The following RBM47 variants were observed in gnomAD, a reference collection of about 807,000 sequenced individuals.
The protein encoded by RBM47 is RNA-binding protein 47.
Under a neutral mutation model 47.1 loss-of-function variants are expected in RBM47, and 21 were observed. The observed-to-expected ratio is 0.45, with a 90% CI of 0.32 to 0.64. RBM47 has a LOEUF of 0.64. RBM47 is among the 30% of genes least tolerant of loss of function. RBM47 has a pLI of 0.05. For missense variants in RBM47, 708 were observed against 870.9 expected (o/e 0.81, Z 2.35); for synonymous variants, 375 against 361.7 (o/e 1.04, Z -0.42).
chr4:40,609,482 T>G (rs1452930087), intron 1 of RBM47, among the ~76,000 whole-genome samples: 1 of 151,136 alleles, frequency 6.6e-6, no homozygotes, highest in Non-Finnish European at 1.5e-5. Context: ...CCGGCTAATT[T>G]TTGTATTTTT....
chr4:40,606,071 G>A (rs1255473013), intron 1 of RBM47, among the ~76,000 whole-genome samples: 2 of 149,212 alleles, frequency 1.3e-5, no homozygotes, highest in Admixed American at 6.7e-5. Flanking sequence ...GGTGGTGCAC[G>A]CCTGCAATCC....
At position 40,600,558 on chromosome 4, in the gene RBM47, C is replaced by T. The variant is rs569596838; in HGVS notation, c.-240+28838G>A. ...CTGAGGCAGGAGAATGGCGTGAACC[C>T]GGGAGGCGGAGCTTGCAGTGAGCGG... is the stretch of plus-strand genomic sequence containing the variant. On this transcript the variant is annotated intron_variant, in intron 1 of 6. Coordinates refer to ENST00000295971, the MANE Select transcript of RBM47 (RefSeq NM_001098634.2). Among the ~76,000 whole-genome samples, 26 of 150,796 alleles carry T rather than the reference C, an allele frequency of 1.7e-4. No homozygotes were observed. The East Asian group carries it at 3.6e-3, about 21-fold the overall frequency.
At chr4:40,559,747 C>G (rs1053975602) in intron 1 of RBM47, among the ~76,000 whole-genome samples, 1 of 152,112 alleles carries the variant, frequency 6.6e-6, no homozygotes, top group Non-Finnish European at 1.5e-5. Flanking sequence ...TTTGCGAAGT[C>G]AGGCCCTTTA....
chr4:40,507,052 G>A (rs1724194646), intron 2 of RBM47, among the ~76,000 whole-genome samples: 1 of 152,114 alleles, frequency 6.6e-6, no homozygotes, highest in African/African-American at 2.4e-5. Flanking sequence ...CAGCTCCCGG[G>A]TTCAAGCAAT....
At chr4:40,594,501 GTCAAAGCTACTCC>G (rs994751956) in intron 1 of RBM47, among the ~76,000 whole-genome samples, 3 of 92,170 alleles carry the variant, frequency 3.3e-5, no homozygotes, top group Non-Finnish European at 6.9e-5. Context: ...CATATAAACT[GTCAAAGCTACTCC>G]TCTGCATGAC....
chr4:40,571,016 G>T (rs1731651671), intron 1 of RBM47, among the ~76,000 whole-genome samples: 1 of 152,038 alleles, frequency 6.6e-6, no homozygotes, highest in Non-Finnish European at 1.5e-5. Flanking sequence ...AGGAGTTCCA[G>T]ACCAGCCTGG....
intron 1 of RBM47, among the ~76,000 whole-genome samples, chr4:40,617,430 G>A (rs1264088940): frequency 2.0e-5 from 3 of 151,894 alleles, no homozygotes; most frequent in Non-Finnish European, 2.9e-5. Flanking sequence ...ATAGTGGTGC[G>A]TGCCTGTAGT....
chr4:40,451,366 G>A (rs1426802689), intron 3 of RBM47, among the ~76,000 whole-genome samples: 1 of 152,102 alleles, frequency 6.6e-6, no homozygotes, highest in Non-Finnish European at 1.5e-5. Flanking sequence ...GAATGGTTCT[G>A]TTGTCTAATT....
chr4:40,515,560 A>C (rs1725475165), intron 2 of RBM47, among the ~76,000 whole-genome samples: 1 of 152,180 alleles, frequency 6.6e-6, no homozygotes, highest in Non-Finnish European at 1.5e-5. Context: ...TCCCCAAGAG[A>C]GTGCTCAGAA....
intron 2 of RBM47, chr4:40,514,402 T>G (rs1484270692): frequency 6.6e-6 from 1 of 152,086 alleles, no homozygotes; most frequent in Non-Finnish European, 1.5e-5. Flanking sequence ...TGCAAAGAAA[T>G]CCCTTTTGCC....
At chr4:40,616,090 C>T (rs944565493) in intron 1 of RBM47, among the ~76,000 whole-genome samples, 2 of 152,114 alleles carry the variant, frequency 1.3e-5, no homozygotes, top group Admixed American at 6.6e-5. Context: ...CGGTGGCTCA[C>T]GCTTGTAATC....
chr4:40,534,631 G>A (rs1357501597), intron 2 of RBM47, among the ~76,000 whole-genome samples: 1 of 151,996 alleles, frequency 6.6e-6, no homozygotes, highest in Non-Finnish European at 1.5e-5. Context: ...CTAAGGAGCT[G>A]GTAGTTAAAA....
intron 4 of RBM47, among the ~76,000 whole-genome samples, chr4:40,437,424 CCAA>C (rs60727127): frequency 0.069 from 10,553 of 151,884 alleles, 452 homozygotes; most frequent in African/African-American, 0.12. Context: ...ACGGACTCCA[CCAA>C]CATCTTAAGA....
At chr4:40,568,658 C>G (rs1260853989) in intron 1 of RBM47, among the ~76,000 whole-genome samples, 1 of 151,682 alleles carries the variant, frequency 6.6e-6, no homozygotes, top group Non-Finnish European at 1.5e-5. Context: ...TTTTCCTAAC[C>G]AGGAATATTC....
chr4:40,620,854 C>T (rs1737204243), intron 1 of RBM47, among the ~76,000 whole-genome samples: 1 of 152,092 alleles, frequency 6.6e-6, no homozygotes, highest in East Asian at 1.9e-4. Context: ...TTTCTAATGT[C>T]CCATTCAGTG....
intron 1 of RBM47, among the ~76,000 whole-genome samples, chr4:40,576,367 G>A (rs1213608860): frequency 1.3e-5 from 2 of 151,456 alleles, no homozygotes; most frequent in Non-Finnish European, 2.9e-5. Flanking sequence ...TGTCGCCCAG[G>A]CTGGTCTTGA....
intron 2 of RBM47, among the ~76,000 whole-genome samples, chr4:40,482,026 A>T (rs923494533): frequency 6.6e-6 from 1 of 152,176 alleles, no homozygotes; most frequent in Non-Finnish European, 1.5e-5. Flanking sequence ...GAGCCACCGT[A>T]CCTGGCCATG....
At chr4:40,458,350 G>A (rs1000461441) in intron 3 of RBM47, among the ~76,000 whole-genome samples, 11 of 152,072 alleles carry the variant, frequency 7.2e-5, no homozygotes, top group Admixed American at 6.6e-4. Flanking sequence ...GTTGCAACTA[G>A]GAAACAATAT....
At position 40,534,766 on chromosome 4, in the gene RBM47, C is replaced by G. The variant is rs919125761; in HGVS notation, c.-155+9656G>C. 2.0e-5 allele frequency among the ~76,000 whole-genome samples: 3 copies of G among 151,942 alleles called. No individual in the cohort carries two copies. The East Asian group carries it at 5.8e-4, about 29-fold the overall frequency. On this transcript the variant is annotated intron_variant, in intron 2 of 6. Transcript: ENST00000295971. ...TGGCTAACACGGTGAAACCCCATCT[C>G]TACTAAAAATACAAAAAAATTAGCC...
Sources: gnomAD v4.1 joint callset for allele counts (sites outside exome capture counted in the v4.1 genomes callset) on GRCh38, gnomAD v4.1.1 for gene constraint, MANE v1.5 for transcripts, NCBI Gene and HGNC (gene_info 2026-07-23, HGNC 2026-07-21) for gene names.